The following OVCH1 variants were observed in gnomAD, a reference collection of about 807,000 sequenced individuals.
OVCH1 encodes the protein ovochymase-1.
In OVCH1, 139 loss-of-function variants were observed where a neutral mutation model predicts 138.4. The ratio of observed to expected loss-of-function variants is 1.00; its 90% CI spans 0.87 to 1.16. The LOEUF is 1.16. Among genes scored for constraint, OVCH1 ranks in the 50% most tolerant of loss-of-function variants. OVCH1 has a pLI of 0.00. For synonymous variants in OVCH1, 453 were observed against 467.8 expected, an observed-to-expected ratio of 0.97 and a Z score of 0.41; for missense variants, 1,367 against 1,357.9, an observed-to-expected ratio of 1.01 and a Z score of -0.11.
rs1268560316 is a variant in OVCH1, at chr12:29,476,784, CACACACACACACACACACACACAG to C, written c.1377+294_1377+317del. Reference sequence around the variant, plus strand: ...ACACACACACACACACACACACACACACACACACACACACACACACACAGGTTAGTAAATGCTCAAAATACCTCC... The same window carrying C: ...ACACACACACACACACACACACACACGTTAGTAAATGCTCAAAATACCTCC... On this transcript the variant is annotated intron_variant, in intron 12 of 27. Coordinates refer to ENST00000318184, the Ensembl canonical transcript of OVCH1. Among the ~76,000 whole-genome samples the C allele has an allele frequency of 1.9e-4, 26 of 134,262 alleles. 1 individual carries two copies. Among genetic ancestry groups the C allele is most frequent in the Middle Eastern group, 3.9e-3 (1 of 254 alleles). The allele number at this position is 134,262 out of a possible 152,430, so 88.1% of individuals were successfully genotyped here.
intron 27 of OVCH1, chr12:29,430,940 G>C (rs1045021406): frequency 9.7e-6 from 5 of 515,864 alleles, no homozygotes; most frequent in African/African-American, 9.6e-5. Flanking sequence ...TGTGAGTCCA[G>C]GCAGAAACGG....
rs1941262046 is a variant in OVCH1, at chr12:29,431,219, T to G, written c.3327+2532A>C. Among the ~76,000 whole-genome samples the G allele has an allele frequency of 2.0e-5, 3 of 152,248 alleles. No homozygotes were observed. In the South Asian group the frequency reaches 6.2e-4, roughly 32 times the overall value. On this transcript the variant is annotated intron_variant, in intron 27 of 27. Transcript: ENST00000318184. ...TGGGAGTCCATGGCAGGAAGATTGC[T>G]TGAGCCCAGGAGGTTGAGACCAACC...
exon 16 of OVCH1, chr12:29,471,811 C>A: frequency 6.2e-7 from 1 of 1,609,806 alleles, no homozygotes; most frequent in Non-Finnish European, 8.5e-7. Context: ...CAATTGCACA[C>A]AGTGGGCTGC....
downstream of OVCH1, among the ~76,000 whole-genome samples, chr12:29,409,100 G>A (rs187966139): frequency 1.3e-5 from 2 of 152,172 alleles, no homozygotes; most frequent in Non-Finnish European, 2.9e-5. Context: ...TTGCGTAGAG[G>A]TGTTTGTAGT....
At chr12:29,473,789 G>C (rs1303267116) in intron 14 of OVCH1, among the ~76,000 whole-genome samples, 1 of 152,072 alleles carries the variant, frequency 6.6e-6, no homozygotes, top group Non-Finnish European at 1.5e-5. Context: ...TTTAACATTT[G>C]AGTTAGTGGG....
At chr12:29,429,706 T>C (rs1941236618) in intron 27 of OVCH1, among the ~76,000 whole-genome samples, 1 of 152,206 alleles carries the variant, frequency 6.6e-6, no homozygotes, top group South Asian at 2.1e-4. Flanking sequence ...AGTTAACTGT[T>C]AGGATAATCA....
At chr12:29,408,014 G>A (rs1940905815), downstream of OVCH1, among the ~76,000 whole-genome samples, 3 of 139,726 alleles carry the variant, frequency 2.1e-5, no homozygotes, top group Non-Finnish European at 1.6e-5. Flanking sequence ...CCTTGAAGAG[G>A]TCCTTCACAT....
chr12:29,477,230 A>G, exon 12 of OVCH1: 1 of 1,613,520 alleles, frequency 6.2e-7, no homozygotes, highest in South Asian at 1.1e-5. Flanking sequence ...CCACAACCTG[A>G]CCCTGTGGAA....
At position 29,443,341 on chromosome 12, in the gene OVCH1, A is replaced by T. The variant is rs755422786; in HGVS notation, c.3157+20T>A. 1.2e-6 allele frequency: 2 copies of T among 1,606,802 alleles called. No individual in the cohort carries two copies. The highest frequency in any genetic ancestry group is 1.3e-5 in the African/African-American group (1 of 74,728). On this transcript the variant is annotated intron_variant, in intron 25 of 27. Coordinates refer to ENST00000318184, the Ensembl canonical transcript of OVCH1. Reference sequence around the variant, plus strand: ...TCAGAGAAAAATCAGTAGCATAGAGATTCATGGGAAATCAGTTACCTATTA... The same window carrying T: ...TCAGAGAAAAATCAGTAGCATAGAGTTTCATGGGAAATCAGTTACCTATTA...
At chr12:29,446,114 T>C (rs1193639948) in intron 22 of OVCH1, among the ~76,000 whole-genome samples, 1 of 152,260 alleles carries the variant, frequency 6.6e-6, no homozygotes, top group South Asian at 2.1e-4. Flanking sequence ...TAAGATAGCA[T>C]ATATTTTATC....
intron 21 of OVCH1, among the ~76,000 whole-genome samples, chr12:29,453,865 A>G (rs935427568): frequency 5.3e-5 from 8 of 152,052 alleles, no homozygotes; most frequent in African/African-American, 1.9e-4. Flanking sequence ...CTCTCAATTT[A>G]TGATCATTCA....
chr12:29,445,197 T>A, intron 23 of OVCH1, 81 bp downstream of exon 23: 2 of 1,375,054 alleles, frequency 1.5e-6, no homozygotes, highest in Non-Finnish European at 2.0e-6. Context: ...TTCAAAATGT[T>A]GTATATGTTT....
chr12:29,469,715 T>TAAA (rs111496328), intron 16 of OVCH1, among the ~76,000 whole-genome samples: 4 of 147,928 alleles, frequency 2.7e-5, no homozygotes, highest in South Asian at 2.2e-4. Context: ...CCCCGTGTCT[T>TAAA]AAAAAAAAAA....
rs1463088360 is a variant in OVCH1, at chr12:29,487,791, CCT to C, written c.792_793del (p.Gly265PhefsTer21). 1.2e-6 allele frequency: 2 copies of C among 1,606,390 alleles called. No individual in the cohort carries two copies. On this transcript the variant is annotated frameshift_variant, in exon 7 of 28. Coordinates refer to ENST00000318184, the Ensembl canonical transcript of OVCH1. LOFTEE classifies it high-confidence loss of function. ...ATGGTTGTTTCTTACGGGAACTGAA[CCT>C]CCAGCACAACCAGCTACCCAGGAAG...
chr12:29,410,679 A>T (rs1298049955), downstream of OVCH1, among the ~76,000 whole-genome samples: 2 of 151,606 alleles, frequency 1.3e-5, no homozygotes, highest in Non-Finnish European at 2.9e-5. Flanking sequence ...CCGAGAGATC[A>T]TCTGTTAGTC....
intron 19 of OVCH1, among the ~76,000 whole-genome samples, chr12:29,455,822 G>GT (rs143517740): frequency 0.038 from 5,775 of 152,104 alleles, 331 homozygotes; most frequent in African/African-American, 0.13. Context: ...TGTGCTGCCT[G>GT]TTTTTTTCTT....
At chr12:29,476,748 C>A (rs1238696005) in intron 12 of OVCH1, among the ~76,000 whole-genome samples, 2 of 11,212 alleles carry the variant, frequency 1.8e-4, no homozygotes, top group Non-Finnish European at 5.2e-4. Context: ...CATAAGTACA[C>A]ACGCGCGCAC....
intron 16 of OVCH1, among the ~76,000 whole-genome samples, chr12:29,467,652 G>A (rs1942366420): frequency 6.6e-6 from 1 of 152,128 alleles, no homozygotes; most frequent in Non-Finnish European, 1.5e-5. Flanking sequence ...TTAGACAAAA[G>A]ATTCACATAT....
intron 24 of OVCH1, 114 bp downstream of exon 24, chr12:29,444,031 T>C (rs1941552408): frequency 1.9e-5 from 24 of 1,248,792 alleles, no homozygotes; most frequent in Non-Finnish European, 2.6e-5. Context: ...TAAGAGTCTA[T>C]TCTTTTTGGA....
Sources: allele counts gnomAD v4.1 joint callset (sites outside exome capture counted in the v4.1 genomes callset), GRCh38; gene constraint gnomAD v4.1.1; transcripts MANE v1.5; gene names NCBI Gene and HGNC (gene_info 2026-07-23, HGNC 2026-07-21).